EPHA4: variants seen among roughly 807,000 people sequenced by gnomAD.
The protein encoded by EPHA4 is EPH receptor A4.
In EPHA4, 19 loss-of-function variants were observed where a neutral mutation model predicts 108.3. That is an observed-to-expected ratio of 0.18 (90% CI 0.12 to 0.26). EPHA4 has a LOEUF of 0.26. EPHA4 is among the 10% of genes least tolerant of loss of function. The pLI is 1.00. For synonymous variants in EPHA4, 449 were observed against 455.5 expected (o/e 0.99, Z 0.18); for missense variants, 917 against 1,254.0 (o/e 0.73, Z 4.06).
intron 5 of EPHA4, among the ~76,000 whole-genome samples, chr2:221,465,209 C>G (rs914804389): frequency 6.6e-6 from 1 of 152,256 alleles, no homozygotes; most frequent in South Asian, 2.1e-4. Flanking sequence ...GATTTTGGAA[C>G]ACTATAAATA....
intron 4 of EPHA4, among the ~76,000 whole-genome samples, chr2:221,500,152 T>C (rs765976239): frequency 5.9e-5 from 9 of 152,158 alleles, no homozygotes; most frequent in Non-Finnish European, 1.0e-4. Flanking sequence ...TAGGAGGCAC[T>C]GTTATTAACT....
At chr2:221,533,404 G>A (rs1036534231) in intron 3 of EPHA4, among the ~76,000 whole-genome samples, 7 of 151,992 alleles carry the variant, frequency 4.6e-5, no homozygotes, top group East Asian at 1.9e-4. Context: ...CCCTGCCCCC[G>A]TATGTATCAA....
chr2:221,499,696 C>T (rs1256414334), intron 4 of EPHA4, among the ~76,000 whole-genome samples: 1 of 115,196 alleles, frequency 8.7e-6, no homozygotes, highest in Non-Finnish European at 1.7e-5. Flanking sequence ...TAATAATAGT[C>T]ATAATGATAA....
chr2:221,462,086 T>A (rs1691163590), intron 5 of EPHA4, among the ~76,000 whole-genome samples: 1 of 151,692 alleles, frequency 6.6e-6, no homozygotes, highest in Non-Finnish European at 1.5e-5. Flanking sequence ...AGGAGATACT[T>A]GTTTTAAGGA....
chr2:221,540,251 CT>C (rs1480503446), intron 3 of EPHA4, among the ~76,000 whole-genome samples: 21 of 152,300 alleles, frequency 1.4e-4, no homozygotes, highest in South Asian at 1.2e-3. Flanking sequence ...TGAATTCTCT[CT>C]ATTCAAAGAA....
intron 17 of EPHA4, among the ~76,000 whole-genome samples, chr2:221,423,615 T>C (rs1049447714): frequency 2.0e-5 from 3 of 152,194 alleles, no homozygotes; most frequent in African/African-American, 7.2e-5. Context: ...TTTACAGAAA[T>C]ACCTGCTGAG....
chr2:221,543,945 G>C lies in EPHA4; in HGVS notation c.823+19786C>G, dbSNP rs146670474. Among the ~76,000 whole-genome samples, 92 of 152,280 alleles carry C rather than the reference G, an allele frequency of 6.0e-4. 1 individual carries two copies. Among genetic ancestry groups the C allele is most frequent in the African/African-American group, 2.0e-3 (85 of 41,544 alleles). ...TTTTCACGGTTCTGGAGGCTGGAAA[G>C]TACGAGATCAAAGCAAAGTCAGTGT... On this transcript the variant is annotated intron_variant, in intron 3 of 17. Coordinates refer to ENST00000281821, the MANE Select transcript of EPHA4 (RefSeq NM_004438.5).
intron 4 of EPHA4, among the ~76,000 whole-genome samples, chr2:221,489,212 C>T (rs1378504353): frequency 1.3e-5 from 2 of 152,164 alleles, no homozygotes; most frequent in Non-Finnish European, 2.9e-5. Context: ...GCAACTGAAA[C>T]TTCAGTAAAA....
intron 3 of EPHA4, among the ~76,000 whole-genome samples, chr2:221,514,002 C>T (rs1300274822): frequency 2.0e-5 from 3 of 152,016 alleles, no homozygotes; most frequent in African/African-American, 7.3e-5. Flanking sequence ...CTTGGGATAA[C>T]AGACGATGAT....
At chr2:221,560,683 T>G (rs1282269159) in intron 3 of EPHA4, among the ~76,000 whole-genome samples, 1 of 152,162 alleles carries the variant, frequency 6.6e-6, no homozygotes, top group Admixed American at 6.5e-5. Flanking sequence ...TTACCAATCT[T>G]ACAACCCCAA....
intron 4 of EPHA4, among the ~76,000 whole-genome samples, chr2:221,489,586 G>A (rs1470030290): frequency 6.6e-6 from 1 of 152,004 alleles, no homozygotes; most frequent in Non-Finnish European, 1.5e-5. Context: ...CTGTCCCAAT[G>A]CACCCAATTG....
At chr2:221,526,852 C>CAAAAAAAAAAAAAAAAAAAAAAAAAA (rs528335766) in intron 3 of EPHA4, among the ~76,000 whole-genome samples, 1 of 48,590 alleles carries the variant, frequency 2.1e-5, no homozygotes, top group African/African-American at 8.3e-5. Flanking sequence ...GACTCGGCCT[C>CAAAAAAAAAAAAAAAAAAAAAAAAAA]AAAAAAAAAA....
chr2:221,572,192 A>C lies in EPHA4; in HGVS notation c.57T>G (p.Ala19=). ...CGGGGTATACCCTGGAACCTGTGAC[A>C]GCGTCGCAAATCCCGAAGAGACACG... The part of the protein sequence containing the change: ...LFSCLFGICD[A]VTGSRVYPAN... The change falls in exon 1 of 18, where the codon GCT becomes GCG. Residue 19 remains alanine, a synonymous_variant. Transcript: ENST00000281821. 4 of 1,614,162 alleles carry C rather than the reference A, an allele frequency of 2.5e-6. No individual in the cohort carries two copies. The highest frequency in any genetic ancestry group is 1.7e-5 in the Admixed American group (1 of 60,038).
chr2:221,504,522 C>T (rs1185041418), intron 3 of EPHA4, among the ~76,000 whole-genome samples: 1 of 135,536 alleles, frequency 7.4e-6, no homozygotes, highest in East Asian at 2.1e-4. Context: ...GCTGATTACA[C>T]CTACTATTTG....
chr2:221,460,972 T>A (rs1000586386), intron 5 of EPHA4, among the ~76,000 whole-genome samples: 11 of 152,360 alleles, frequency 7.2e-5, no homozygotes, highest in Admixed American at 6.5e-5. Flanking sequence ...TCCCATTTAC[T>A]GGTATCAATG....
chr2:221,542,281 G>C (rs1693861145), intron 3 of EPHA4, among the ~76,000 whole-genome samples: 1 of 152,172 alleles, frequency 6.6e-6, no homozygotes, highest in Admixed American at 6.5e-5. Flanking sequence ...ATTAATAATA[G>C]TCCATGGTGT....
At chr2:221,556,261 G>A (rs1694297434) in intron 3 of EPHA4, among the ~76,000 whole-genome samples, 1 of 152,008 alleles carries the variant, frequency 6.6e-6, no homozygotes, top group Non-Finnish European at 1.5e-5. Flanking sequence ...CAAAACAAAA[G>A]TAAACTTAGT....
chr2:221,464,914 T>C (rs1377742481), intron 5 of EPHA4, among the ~76,000 whole-genome samples: 1 of 152,202 alleles, frequency 6.6e-6, no homozygotes, highest in East Asian at 1.9e-4. Context: ...TTCTCCTTAT[T>C]TGACACAAAA....
intron 3 of EPHA4, among the ~76,000 whole-genome samples, chr2:221,560,980 C>T (rs143698962): frequency 0.042 from 6,469 of 152,246 alleles, 412 homozygotes; most frequent in African/African-American, 0.15. Context: ...CGGTGGCTCA[C>T]GCCTGTAATC....
Sources: allele counts gnomAD v4.1 joint callset (sites outside exome capture counted in the v4.1 genomes callset), GRCh38; gene constraint gnomAD v4.1.1; transcripts MANE v1.5; gene names NCBI Gene and HGNC (gene_info 2026-07-23, HGNC 2026-07-21).